GPBP1L1: variants seen among roughly 807,000 people sequenced by gnomAD.
GPBP1L1 encodes the protein vasculin-like protein 1.
In GPBP1L1, 23 loss-of-function variants were observed where a neutral mutation model predicts 52.5. That is an observed-to-expected ratio of 0.44 (90% confidence interval 0.32 to 0.62). GPBP1L1 has a LOEUF of 0.62. Ranked by LOEUF, GPBP1L1 falls within the 20% of genes least tolerant of loss-of-function variation. GPBP1L1 has a pLI of 0.06. For missense variants in GPBP1L1, 596 were observed against 579.3 expected, an observed-to-expected ratio of 1.03 and a Z score of -0.30; for synonymous variants, 243 against 203.1, an observed-to-expected ratio of 1.20 and a Z score of -1.67.
intron 2 of GPBP1L1, among the ~76,000 whole-genome samples, chr1:45,668,126 T>A (rs1464325530): frequency 6.6e-6 from 1 of 152,164 alleles, no homozygotes. Flanking sequence ...CACAGAAAAT[T>A]ACCTTTCTCC....
intron 4 of GPBP1L1, among the ~76,000 whole-genome samples, chr1:45,657,450 C>T (rs1025751274): frequency 6.6e-6 from 1 of 152,052 alleles, no homozygotes; most frequent in Non-Finnish European, 1.5e-5. Context: ...GTAGGAGGAT[C>T]GCCTGAGCCA....
At position 45,634,251 on chromosome 1, in the gene GPBP1L1, A is replaced by G; in HGVS notation, c.745-15T>C. ...CATGCATTAGGCTACACAGGGTGAA[A>G]GAACAAATCAGTCAGAACAAGCACA... On this transcript the variant is annotated splice_polypyrimidine_tract_variant and intron_variant, in intron 8 of 12. Transcript: ENST00000355105. 3 of 1,594,994 alleles carry G rather than the reference A, an allele frequency of 1.9e-6. No individual in the cohort carries two copies. The highest frequency in any genetic ancestry group is 2.2e-5 in the East Asian group (1 of 44,582).
At chr1:45,666,090 G>A (rs1420454078) in intron 2 of GPBP1L1, among the ~76,000 whole-genome samples, 2 of 151,070 alleles carry the variant, frequency 1.3e-5, no homozygotes, top group Admixed American at 6.6e-5. Context: ...TTAATACTCT[G>A]TCTGGAAGTA....
chr1:45,653,143 G>T (rs1644839184), intron 6 of GPBP1L1, among the ~76,000 whole-genome samples: 1 of 152,148 alleles, frequency 6.6e-6, no homozygotes, highest in Non-Finnish European at 1.5e-5. Flanking sequence ...TCCTAGACTT[G>T]AGGGTAGAGG....
At chr1:45,658,344 T>C (rs911827596) in intron 4 of GPBP1L1, among the ~76,000 whole-genome samples, 1 of 152,204 alleles carries the variant, frequency 6.6e-6, no homozygotes, top group Non-Finnish European at 1.5e-5. Flanking sequence ...CCCCTTTTAC[T>C]TCTGCCCCTT....
In GPBP1L1 at chr1:45,628,206, TA is replaced by T; in HGVS notation, c.*49del. ...AGAACGATTTCTTTTGTATACTCCC[TA>T]AACACACAGAGTTTACTGGGTCAGA... is the stretch of plus-strand genomic sequence containing the variant. On this transcript the variant is annotated 3_prime_UTR_variant, in exon 13 of 13. Transcript: ENST00000355105. 1.3e-6 allele frequency: 2 copies of T among 1,570,098 alleles called. No individual in the cohort carries two copies. The highest frequency in any genetic ancestry group is 1.1e-5 in the South Asian group (1 of 89,938).
chr1:45,641,966 T>C (rs1166664534), intron 7 of GPBP1L1, among the ~76,000 whole-genome samples: 1 of 152,118 alleles, frequency 6.6e-6, no homozygotes, highest in Non-Finnish European at 1.5e-5. Flanking sequence ...GGTGGATCAC[T>C]TGAGGCCAAG....
At chr1:45,665,922 ACT>A (rs1239796386) in intron 2 of GPBP1L1, among the ~76,000 whole-genome samples, 2 of 151,800 alleles carry the variant, frequency 1.3e-5, no homozygotes, top group East Asian at 3.9e-4. Flanking sequence ...ACTGGTTGCC[ACT>A]CTCTGTTCCT....
chr1:45,629,692 A>G lies in GPBP1L1; in HGVS notation c.1170-14T>C. ...GCTTTCAATAACCTGGTGGACGCAGAAGGACAGGTAAAGAGAATACAACAT... is the reference window on the plus strand; with the variant it reads ...GCTTTCAATAACCTGGTGGACGCAGGAGGACAGGTAAAGAGAATACAACAT... On this transcript the variant is annotated splice_polypyrimidine_tract_variant and intron_variant, in intron 11 of 12. Transcript: ENST00000355105. The G allele has an allele frequency of 1.3e-6, 2 of 1,503,248 alleles. No homozygotes were observed. 93.1% of individuals were successfully genotyped at this position (1,503,248 alleles called of 1,614,324 possible). A position where few individuals can be genotyped will look rare whatever the true frequency, so the allele number is the denominator to read the frequency against.
chr1:45,681,695 TTAC>T (rs1553185272), intron 2 of GPBP1L1, among the ~76,000 whole-genome samples: 1 of 152,246 alleles, frequency 6.6e-6, no homozygotes, highest in Non-Finnish European at 1.5e-5. Context: ...ATATTATTTA[TTAC>T]AACAACCCTA....
intron 2 of GPBP1L1, among the ~76,000 whole-genome samples, chr1:45,668,768 A>T (rs1481260910): frequency 6.6e-6 from 1 of 152,150 alleles, no homozygotes; most frequent in African/African-American, 2.4e-5. Flanking sequence ...AAACTTGAAA[A>T]ACTTCACCAG....
Position 45,631,253 on chromosome 1 carries a change from T to TA in GPBP1L1, c.1045-648dup, listed in dbSNP as rs573636344. ...TGGGTATGACATTTATTTATTTATT[T>TA]ATTTGTTTATTTACTTACTTATTTT... On this transcript the variant is annotated intron_variant, in intron 10 of 12. Transcript: ENST00000355105. 8.7e-4 allele frequency among the ~76,000 whole-genome samples: 133 copies of TA among 152,286 alleles called. 1 individual carries two copies. Among genetic ancestry groups the TA allele is most frequent in the Non-Finnish European group, 1.6e-3 (107 of 68,008 alleles).
intron 6 of GPBP1L1, chr1:45,646,294 A>T (rs1419799192): frequency 5.4e-6 from 1 of 183,966 alleles, no homozygotes; most frequent in Non-Finnish European, 1.1e-5. Context: ...TAGCTTGACA[A>T]AGCACAAAAT....
At chr1:45,639,574 T>TTAAA (rs1378940350) in intron 8 of GPBP1L1, among the ~76,000 whole-genome samples, 2 of 130,116 alleles carry the variant, frequency 1.5e-5, no homozygotes, top group African/African-American at 5.7e-5. Context: ...AAAAAATAAT[T>TTAAA]AAAAAAAAAA....
chr1:45,679,666 G>C (rs887905081), intron 2 of GPBP1L1, among the ~76,000 whole-genome samples: 1 of 152,100 alleles, frequency 6.6e-6, no homozygotes, highest in Non-Finnish European at 1.5e-5. Flanking sequence ...TTAGTAAAAT[G>C]TCCAACACAG....
intron 2 of GPBP1L1, among the ~76,000 whole-genome samples, chr1:45,664,147 C>T (rs969896469): frequency 2.0e-5 from 3 of 151,968 alleles, no homozygotes; most frequent in African/African-American, 4.8e-5. Context: ...GGTAAAACTC[C>T]GTCTCTACTA....
At chr1:45,631,889 A>G (rs1191693496) in intron 10 of GPBP1L1, among the ~76,000 whole-genome samples, 1 of 152,140 alleles carries the variant, frequency 6.6e-6, no homozygotes, top group Non-Finnish European at 1.5e-5. Flanking sequence ...ATGCCACTGC[A>G]TTCAGCCTGG....
At chr1:45,680,817 C>CA (rs144138213) in intron 2 of GPBP1L1, among the ~76,000 whole-genome samples, 43,047 of 151,420 alleles carry the variant, frequency 0.28, 6,236 homozygotes, top group South Asian at 0.37. Flanking sequence ...TTGTTCCCTG[C>CA]AAAAAGAAAA....
chr1:45,661,939 C>T (rs1271516481), intron 2 of GPBP1L1, among the ~76,000 whole-genome samples: 1 of 152,134 alleles, frequency 6.6e-6, no homozygotes, highest in African/African-American at 2.4e-5. Flanking sequence ...TGGTATATCA[C>T]CAACTACCTA....
Sources: allele counts gnomAD v4.1 joint callset (sites outside exome capture counted in the v4.1 genomes callset), GRCh38; gene constraint gnomAD v4.1.1; transcripts MANE v1.5; gene names NCBI Gene and HGNC (gene_info 2026-07-23, HGNC 2026-07-21).